Variants in ANKRD11 observed in about 807,000 individuals in gnomAD.
ANKRD11 encodes the protein ankyrin repeat domain 11, also known as ankyrin repeat domain-containing protein 11.
A neutral mutation model predicts 195.7 loss-of-function variants in ANKRD11; 17 were observed. The observed-to-expected ratio is 0.09, with a 90% CI of 0.06 to 0.13. The LOEUF is 0.13. Among genes scored for constraint, ANKRD11 ranks in the 10% least tolerant of loss-of-function variants. ANKRD11 has a pLI of 1.00. For synonymous variants in ANKRD11, 1,953 were observed against 1,528.1 expected (o/e 1.28, Z -6.49); for missense variants, 3,735 against 3,566.1 (o/e 1.05, Z -1.21).
chr16:89,483,411 T>A (rs1189895968), intron 1 of ANKRD11, among the ~76,000 whole-genome samples: 2 of 152,228 alleles, frequency 1.3e-5, no homozygotes, highest in Non-Finnish European at 2.9e-5. Flanking sequence ...TCTCATTGAA[T>A]ATGCTTAACA....
chr16:89,270,727 C>A lies in ANKRD11; in HGVS notation c.7806+90G>T, dbSNP rs545834183. 10,639 of 1,316,578 alleles carry A rather than the reference C, an allele frequency of 8.1e-3. 109 individuals are homozygous for A. The highest frequency in any genetic ancestry group is 0.032 in the South Asian group (2,598 of 80,806). 81.6% of individuals were successfully genotyped at this position (1,316,578 alleles called of 1,614,324 possible). A position where few individuals can be genotyped will look rare whatever the true frequency, so the allele number is the denominator to read the frequency against. On this transcript the variant is annotated intron_variant, in intron 12 of 12. Coordinates refer to ENST00000301030, the MANE Select transcript of ANKRD11 (RefSeq NM_013275.6). ...CACAGAACTGGGCAGCGGCCTCCCC[C>A]CAGGCAGCGCAAAGGGGGTTGTCAC...
intron 2 of ANKRD11, among the ~76,000 whole-genome samples, chr16:89,331,097 G>A (rs571544743): frequency 6.6e-6 from 1 of 152,216 alleles, no homozygotes; most frequent in South Asian, 2.1e-4. Flanking sequence ...GGGACTACAG[G>A]TGCCTGCCAC....
At chr16:89,316,738 A>G (rs999513635) in intron 3 of ANKRD11, among the ~76,000 whole-genome samples, 195 bp downstream of exon 3, 4 of 152,220 alleles carry the variant, frequency 2.6e-5, no homozygotes, top group African/African-American at 9.7e-5. Flanking sequence ...CGGTCCCCAA[A>G]TAACAAATAC....
intron 2 of ANKRD11, among the ~76,000 whole-genome samples, chr16:89,329,925 G>A (rs572580080): frequency 6.6e-6 from 1 of 152,076 alleles, no homozygotes; most frequent in South Asian, 2.1e-4. Flanking sequence ...GGGAGGCAGA[G>A]GCTGCCGTGA....
At chr16:89,274,671 G>A in intron 11 of ANKRD11, 143 bp downstream of exon 11, 1 of 1,231,936 alleles carries the variant, frequency 8.1e-7, no homozygotes, top group Non-Finnish European at 1.2e-6. Context: ...AAGGCTAGAG[G>A]CATGCAAAGG....
At chr16:89,392,041 G>A (rs1156325750) in intron 2 of ANKRD11, among the ~76,000 whole-genome samples, 2 of 151,998 alleles carry the variant, frequency 1.3e-5, no homozygotes, top group Non-Finnish European at 2.9e-5. Context: ...GTTCTCCTCT[G>A]CCTTTGCCTC....
intron 2 of ANKRD11, among the ~76,000 whole-genome samples, chr16:89,388,104 T>G (rs1027579380): frequency 1.3e-5 from 2 of 152,062 alleles, no homozygotes; most frequent in Admixed American, 1.3e-4. Context: ...TCAGAGTCCC[T>G]GTACAGCCTT....
At chr16:89,391,718 A>C (rs536701256) in intron 2 of ANKRD11, among the ~76,000 whole-genome samples, 1 of 152,346 alleles carries the variant, frequency 6.6e-6, no homozygotes, top group African/African-American at 2.4e-5. Context: ...AGAATCAGTA[A>C]GCACACTTGT....
In ANKRD11 at chr16:89,291,204, A is replaced by G. The variant is rs2035041932; in HGVS notation, c.227-21T>C. On this transcript the variant is annotated intron_variant, in intron 4 of 12. Transcript: ENST00000301030. The surrounding 1 kb of genome is among the most constrained non-coding windows in gnomAD (Gnocchi z 5.3). ...CTTCTCTGTGAGGCGGGCGAGGGAG[A>G]GAGGGAGGAGAGATTTCATGCCATG... 1 of 1,611,414 alleles carries G rather than the reference A, an allele frequency of 6.2e-7. No individual in the cohort carries two copies. The highest frequency in any genetic ancestry group is 8.5e-7 in the Non-Finnish European group (1 of 1,179,850).
At chr16:89,343,156 T>C (rs779100066) in intron 2 of ANKRD11, among the ~76,000 whole-genome samples, 27 of 152,030 alleles carry the variant, frequency 1.8e-4, no homozygotes, top group Non-Finnish European at 2.6e-4. Flanking sequence ...GCCTGGCTCA[T>C]GTTTTTGTAT....
At chr16:89,333,523 C>T (rs915340204) in intron 2 of ANKRD11, among the ~76,000 whole-genome samples, 1 of 152,250 alleles carries the variant, frequency 6.6e-6, no homozygotes, top group Admixed American at 6.5e-5. Flanking sequence ...CACAACCCTC[C>T]GTCCCTCCCT....
chr16:89,336,697 G>A (rs1202601357), intron 2 of ANKRD11, among the ~76,000 whole-genome samples: 1 of 152,214 alleles, frequency 6.6e-6, no homozygotes, highest in African/African-American at 2.4e-5. Context: ...GACCCGGCCT[G>A]TCCTAAAAGC....
intron 2 of ANKRD11, among the ~76,000 whole-genome samples, chr16:89,354,916 C>T (rs1219782624): frequency 6.6e-6 from 1 of 152,096 alleles, no homozygotes; most frequent in East Asian, 1.9e-4. Flanking sequence ...GGCCTGGAAG[C>T]TCGTTCTTCT....
rs975126390 is a variant in ANKRD11, at chr16:89,278,144, G to A, written c.7470+928C>T. 6 of 278,660 alleles carry A rather than the reference G, an allele frequency of 2.2e-5. No individual in the cohort carries two copies. The East Asian group carries it at 3.1e-4, about 14-fold the overall frequency. 17.3% of individuals were successfully genotyped at this position (278,660 alleles called of 1,614,324 possible). A position where few individuals can be genotyped will look rare whatever the true frequency, so the allele number is the denominator to read the frequency against. On this transcript the variant is annotated intron_variant, in intron 9 of 12. Transcript: ENST00000301030. ...TCGCGTGGTCTGGGAGGAGACTCCA[G>A]GGAAGAGCCAGAACGCCACACGCTG...
chr16:89,389,433 AT>A (rs1179520937), intron 2 of ANKRD11, among the ~76,000 whole-genome samples: 1 of 152,194 alleles, frequency 6.6e-6, no homozygotes, highest in South Asian at 2.1e-4. Flanking sequence ...AAAAAAGTCA[AT>A]CAAAAGCTAC....
At chr16:89,395,175 A>G (rs1567745103) in intron 2 of ANKRD11, among the ~76,000 whole-genome samples, 1 of 152,252 alleles carries the variant, frequency 6.6e-6, no homozygotes, top group Non-Finnish European at 1.5e-5. Flanking sequence ...CTCCTGGTCT[A>G]AAAAGTTAGA....
At chr16:89,325,497 A>G (rs1449470418) in intron 2 of ANKRD11, among the ~76,000 whole-genome samples, 1 of 151,180 alleles carries the variant, frequency 6.6e-6, no homozygotes, top group African/African-American at 2.4e-5. Flanking sequence ...ACACACACAG[A>G]GTAATAATGT....
In ANKRD11 at chr16:89,325,555, A is replaced by G. The variant is rs1259885669; in HGVS notation, c.-59-8477T>C. Among the ~76,000 whole-genome samples the G allele has an allele frequency of 3.3e-5, 5 of 152,184 alleles. No homozygotes were observed. The East Asian group carries it at 9.6e-4, about 29-fold the overall frequency. ...TTTACATAAATTTCTGAAAATAGCA[A>G]CTACAGTACTTAGGGATGCATACTT... is the stretch of plus-strand genomic sequence containing the variant. On this transcript the variant is annotated intron_variant, in intron 2 of 12. Coordinates refer to ENST00000301030, the MANE Select transcript of ANKRD11 (RefSeq NM_013275.6).
intron 2 of ANKRD11, among the ~76,000 whole-genome samples, chr16:89,321,972 G>C (rs186913116): frequency 1.3e-5 from 2 of 152,312 alleles, no homozygotes; most frequent in African/African-American, 4.8e-5. Context: ...TTCTCCTCAT[G>C]ATCTCAGTAT....
Sources: allele counts gnomAD v4.1 joint callset (sites outside exome capture counted in the v4.1 genomes callset), GRCh38; gene constraint gnomAD v4.1.1; non-coding constraint Gnocchi (gnomAD v3.1); transcripts MANE v1.5; gene names NCBI Gene and HGNC (gene_info 2026-07-23, HGNC 2026-07-21).